The following FOXO3 variants were observed in gnomAD, a reference collection of about 807,000 sequenced individuals.
The protein encoded by FOXO3 is forkhead box protein O3.
A neutral mutation model predicts 41.9 loss-of-function variants in FOXO3; 4 were observed. That is an observed-to-expected ratio of 0.10 (90% confidence interval 0.05 to 0.22). The LOEUF (loss-of-function observed/expected upper bound fraction) is 0.22. FOXO3 is among the 10% of genes least tolerant of loss of function. The pLI is 1.00. For synonymous variants in FOXO3, 318 were observed against 389.3 expected, an observed-to-expected ratio of 0.82 and a Z score of 2.16; for missense variants, 534 against 906.8, an observed-to-expected ratio of 0.59 and a Z score of 5.28.
chr6:108,562,508 G>A (rs894680288), intron 1 of FOXO3, among the ~76,000 whole-genome samples: 4 of 152,090 alleles, frequency 2.6e-5, no homozygotes, highest in South Asian at 4.2e-4. Context: ...ATGTTCTGGG[G>A]CCTCGAACCG....
chr6:108,610,343 A>C (rs1482020238), intron 1 of FOXO3, among the ~76,000 whole-genome samples: 2 of 152,224 alleles, frequency 1.3e-5, no homozygotes, highest in Non-Finnish European at 2.9e-5. Context: ...TCAGGAACTC[A>C]GAGTAAACTG....
At chr6:108,560,328 G>A (rs1031342226), upstream of FOXO3, among the ~76,000 whole-genome samples, 3 of 152,206 alleles carry the variant, frequency 2.0e-5, no homozygotes, top group African/African-American at 7.2e-5. Flanking sequence ...GGGGCGGAGG[G>A]GACGACGTCC....
In FOXO3 at chr6:108,659,946, C is replaced by T. The variant is rs139467997; in HGVS notation, c.622-3509C>T. 6.7e-3 allele frequency among the ~76,000 whole-genome samples: 1,019 copies of T among 152,252 alleles called. 25 individuals carry two copies. Among genetic ancestry groups the T allele is most frequent in the Admixed American group, 0.048 (736 of 15,300 alleles). ...CTCAGTTGGGTTGGAATTGGTGATGCTAAAGTACATTTTAAAATATTGTTC... is the reference window on the plus strand; with the variant it reads ...CTCAGTTGGGTTGGAATTGGTGATGTTAAAGTACATTTTAAAATATTGTTC... On this transcript the variant is annotated intron_variant, in intron 1 of 2. Coordinates refer to ENST00000406360, the MANE Select transcript of FOXO3 (RefSeq NM_001455.4).
rs1225186329 is a variant in FOXO3 at position 108,561,630 on chromosome 6, C to T, written c.422C>T (p.Ala141Val). The change falls in exon 1 of 3, where the codon GCT becomes GTT. Residue 141 changes from alanine (A) to valine (V), a missense_variant. Transcript: ENST00000406360. ...CTGCCACCGCCGCAGCCGGGGGCGGCTGGGGGCTCCGGGCAGCCGAGGAAA... is the reference window on the plus strand; with the variant it reads ...CTGCCACCGCCGCAGCCGGGGGCGGTTGGGGGCTCCGGGCAGCCGAGGAAA... ...QPLPPPQPGAAGGSGQPRKCS... is the reference protein window; with the variant it reads ...QPLPPPQPGAVGGSGQPRKCS... The T allele has an allele frequency of 1.3e-6, 2 of 1,562,912 alleles. No individual in the cohort carries two copies. Among genetic ancestry groups the T allele is most frequent in the Non-Finnish European group, 1.7e-6 (2 of 1,154,720 alleles).
intron 1 of FOXO3, among the ~76,000 whole-genome samples, chr6:108,644,905 C>G (rs1299847952): frequency 1.3e-5 from 2 of 152,146 alleles, no homozygotes; most frequent in East Asian, 3.8e-4. Flanking sequence ...ATGTCTGTCC[C>G]TTACCTCCCT....
At chr6:108,637,449 GC>G (rs1371648653) in intron 1 of FOXO3, among the ~76,000 whole-genome samples, 2 of 152,126 alleles carry the variant, frequency 1.3e-5, no homozygotes, top group African/African-American at 4.8e-5. Flanking sequence ...ATACTGGGGG[GC>G]AAATCTCGTT....
intron 2 of FOXO3, among the ~76,000 whole-genome samples, chr6:108,666,324 T>C (rs1372762951): frequency 3.3e-5 from 5 of 151,410 alleles, no homozygotes; most frequent in Non-Finnish European, 5.9e-5. Flanking sequence ...GTTGATTTCT[T>C]TTTTTTTCTT....
Position 108,593,027 on chromosome 6 carries a change from G to T in FOXO3, c.621+31198G>T, listed in dbSNP as rs575769644. Among the ~76,000 whole-genome samples the T allele has an allele frequency of 3.3e-5, 5 of 152,316 alleles. No homozygotes were observed. The South Asian group carries it at 1.0e-3, about 32-fold the overall frequency. ...TAGTGAGCAGTTTGAACATCTAGAT[G>T]TTGGGAATATTGTTGAGTATTTATT... On this transcript the variant is annotated intron_variant, in intron 1 of 2. Coordinates refer to ENST00000406360, the MANE Select transcript of FOXO3 (RefSeq NM_001455.4).
intron 1 of FOXO3, among the ~76,000 whole-genome samples, chr6:108,616,883 A>C (rs1777529636): frequency 6.6e-6 from 1 of 152,186 alleles, no homozygotes; most frequent in African/African-American, 2.4e-5. Flanking sequence ...GAATCATATA[A>C]TAGGTAGTAC....
Position 108,616,160 on chromosome 6 carries a change from T to TC in FOXO3, c.622-47295_622-47294insC, listed in dbSNP as rs1213209157. Among the ~76,000 whole-genome samples, 6 of 133,410 alleles carry TC rather than the reference T, an allele frequency of 4.5e-5. No homozygotes were observed. In the East Asian group the frequency reaches 1.1e-3, roughly 24 times the overall value. 87.5% of individuals were successfully genotyped at this position (133,410 alleles called of 152,430 possible). A position where few individuals can be genotyped will look rare whatever the true frequency, so the allele number is the denominator to read the frequency against. On this transcript the variant is annotated intron_variant, in intron 1 of 2. Transcript: ENST00000406360. ...GTGCCATCACGCCCAACTAAGGTTT[T>TC]TTTTTTTTTTTTTTTTTTTTTTGAG...
intron 1 of FOXO3, among the ~76,000 whole-genome samples, chr6:108,646,515 G>T (rs1343989339): frequency 1.3e-5 from 2 of 152,200 alleles, no homozygotes; most frequent in Admixed American, 1.3e-4. Flanking sequence ...GTCCTCTACT[G>T]CTGTATTTGA....
intron 1 of FOXO3, among the ~76,000 whole-genome samples, chr6:108,564,165 A>C (rs1775890620): frequency 6.6e-6 from 1 of 152,234 alleles, no homozygotes; most frequent in South Asian, 2.1e-4. Context: ...ATTTTGTTAG[A>C]GTTTTTATAA....
intron 2 of FOXO3, among the ~76,000 whole-genome samples, chr6:108,665,114 G>T (rs1483484092): frequency 6.6e-6 from 1 of 152,210 alleles, no homozygotes; most frequent in Non-Finnish European, 1.5e-5. Flanking sequence ...TGATAGTTCA[G>T]AAATCTACTG....
chr6:108,632,823 A>G (rs762185226), intron 1 of FOXO3, among the ~76,000 whole-genome samples: 1 of 152,162 alleles, frequency 6.6e-6, no homozygotes, highest in Non-Finnish European at 1.5e-5. Flanking sequence ...GGAGGGGTAT[A>G]TGGAGAGATT....
intron 1 of FOXO3, among the ~76,000 whole-genome samples, chr6:108,630,297 G>A (rs1231694607): frequency 6.6e-6 from 1 of 152,152 alleles, no homozygotes; most frequent in Non-Finnish European, 1.5e-5. Flanking sequence ...AAGGGAAGAA[G>A]GCAGAATGTT....
In FOXO3 at chr6:108,680,721, A is replaced by G. The variant is rs957104677; in HGVS notation, c.*929A>G. 6.6e-6 allele frequency: 1 copy of G among 151,718 alleles called. No homozygotes were observed. Among genetic ancestry groups the G allele is most frequent in the African/African-American group, 2.4e-5 (1 of 41,348 alleles). The allele number at this position is 151,718 out of a possible 1,614,324, so 9.4% of individuals were successfully genotyped here. On this transcript the variant is annotated 3_prime_UTR_variant, in exon 3 of 3. Coordinates refer to ENST00000406360, the MANE Select transcript of FOXO3 (RefSeq NM_001455.4). ...TCTCCACTCATTGCCAAATGTCACTAAAGGGTTTAGTTTTAAGGAGAAAGA... is the reference window on the plus strand; with the variant it reads ...TCTCCACTCATTGCCAAATGTCACTGAAGGGTTTAGTTTTAAGGAGAAAGA...
intron 1 of FOXO3, among the ~76,000 whole-genome samples, chr6:108,641,017 C>T (rs1778243144): frequency 6.6e-6 from 1 of 152,114 alleles, no homozygotes; most frequent in South Asian, 2.1e-4. Context: ...AGGTTTGATT[C>T]TCATGCCTCA....
At chr6:108,634,804 A>C (rs577563611) in intron 1 of FOXO3, among the ~76,000 whole-genome samples, 2 of 152,242 alleles carry the variant, frequency 1.3e-5, no homozygotes, top group African/African-American at 2.4e-5. Context: ...TTTGAAACTT[A>C]AGAATAAATA....
intron 1 of FOXO3, among the ~76,000 whole-genome samples, chr6:108,575,186 A>G (rs1251610517): frequency 6.6e-6 from 1 of 152,212 alleles, no homozygotes; most frequent in Non-Finnish European, 1.5e-5. Context: ...AATTCAGGTA[A>G]TTCCAATCAC....
Sources: gnomAD v4.1 joint callset for allele counts (sites outside exome capture counted in the v4.1 genomes callset) on GRCh38, gnomAD v4.1.1 for gene constraint, MANE v1.5 for transcripts, NCBI Gene and HGNC (gene_info 2026-07-23, HGNC 2026-07-21) for gene names.